Variants in GPR89A observed in about 807,000 individuals in gnomAD.
GPR89A encodes the protein G protein-coupled receptor 89A.
Under a neutral mutation model 52.0 loss-of-function variants are expected in GPR89A, and 16 were observed. The observed-to-expected ratio is 0.31, with a 90% CI of 0.21 to 0.47. The LOEUF (loss-of-function observed/expected upper bound fraction) is 0.47. Ranked by LOEUF, GPR89A falls within the 20% of genes least tolerant of loss-of-function variation. GPR89A has a pLI of 1.00. For missense variants in GPR89A, 135 were observed against 449.4 expected (o/e 0.30, Z 6.33); for synonymous variants, 55 against 150.9 (o/e 0.36, Z 4.66).
At chr1:145,639,679 A>T (rs1650496886) in intron 7 of GPR89A, among the ~76,000 whole-genome samples, 1 of 151,724 alleles carries the variant, frequency 6.6e-6, no homozygotes, top group Non-Finnish European at 1.5e-5. Context: ...TCCAGGAGGC[A>T]GAGGTTGCAG....
At chr1:145,614,300 C>G (rs1205031260) in intron 1 of GPR89A, among the ~76,000 whole-genome samples, 5 of 152,046 alleles carry the variant, frequency 3.3e-5, no homozygotes, top group African/African-American at 1.2e-4. Flanking sequence ...GGTTTGGTCT[C>G]CCTCTTTCAT....
intron 12 of GPR89A, among the ~76,000 whole-genome samples, chr1:145,668,690 A>G (rs1652740282): frequency 6.6e-6 from 1 of 152,094 alleles, no homozygotes; most frequent in African/African-American, 2.4e-5. Flanking sequence ...CCCATTCAGT[A>G]TGATATTGGC....
rs587718901 is a variant in GPR89A at position 145,658,520 on chromosome 1, G to A, written c.910-4809G>A. Among the ~76,000 whole-genome samples the A allele has an allele frequency of 4.7e-5, 7 of 150,380 alleles. No homozygotes were observed. The East Asian group carries it at 9.8e-4, about 21-fold the overall frequency. ...TACATGCTTGTGGCCCCAGCTACTC[G>A]GGAGGCTGAGGCGGGGGAGGATCGC... On this transcript the variant is annotated intron_variant, in intron 10 of 13. Coordinates refer to ENST00000313835, the MANE Select transcript of GPR89A (RefSeq NM_001097612.2).
chr1:145,660,898 C>T (rs1242915563), intron 10 of GPR89A, among the ~76,000 whole-genome samples: 10 of 151,218 alleles, frequency 6.6e-5, no homozygotes, highest in African/African-American at 1.7e-4. Context: ...GTCAGTGTGG[C>T]GATTCTTCAG....
At chr1:145,610,198 A>G (rs1321231106) in intron 1 of GPR89A, among the ~76,000 whole-genome samples, 2 of 151,830 alleles carry the variant, frequency 1.3e-5, no homozygotes, top group Non-Finnish European at 2.9e-5. Flanking sequence ...AAACACCACC[A>G]TTGCCCCCTG....
At chr1:145,668,740 C>T (rs371477466) in intron 12 of GPR89A, among the ~76,000 whole-genome samples, 2 of 152,056 alleles carry the variant, frequency 1.3e-5, no homozygotes, top group African/African-American at 2.4e-5. Flanking sequence ...TTTCGAGATA[C>T]GTCCCATCAA....
chr1:145,668,015 A>G (rs1345163084), intron 12 of GPR89A, among the ~76,000 whole-genome samples: 1 of 152,172 alleles, frequency 6.6e-6, no homozygotes, highest in Non-Finnish European at 1.5e-5. Flanking sequence ...TGATGCCTCC[A>G]GCTTTGTTCT....
intron 1 of GPR89A, 109 bp from the exon 2 acceptor site, chr1:145,616,125 T>C: frequency 1.4e-6 from 1 of 696,124 alleles, no homozygotes; most frequent in Non-Finnish European, 2.5e-6. Flanking sequence ...CTTTAATCCC[T>C]GAAATAAGTT....
intron 10 of GPR89A, among the ~76,000 whole-genome samples, chr1:145,654,654 T>C (rs2624725): frequency 1.3e-5 from 2 of 152,008 alleles, no homozygotes; most frequent in Admixed American, 6.5e-5. Flanking sequence ...GATGGACTTC[T>C]CTTTGTAGGT....
intron 11 of GPR89A, 54 bp downstream of exon 11, chr1:145,663,478 A>G: frequency 6.2e-7 from 1 of 1,606,132 alleles, no homozygotes; most frequent in South Asian, 1.1e-5. Context: ...ATCTACTATA[A>G]CTTACCATTG....
rs782448135 is a variant in GPR89A, at chr1:145,647,889, A to C, written c.909+622A>C. 6.5e-3 allele frequency among the ~76,000 whole-genome samples: 710 copies of C among 108,960 alleles called. 2 individuals carry two copies. Among genetic ancestry groups the C allele is most frequent in the Non-Finnish European group, 0.012 (593 of 50,580 alleles). 71.5% of individuals were successfully genotyped at this position (108,960 alleles called of 152,430 possible). A position where few individuals can be genotyped will look rare whatever the true frequency, so the allele number is the denominator to read the frequency against. ...TCTCTCTCTCTCTCTCTATATATAT[A>C]TATATATATATATATATATATAGAA... On this transcript the variant is annotated intron_variant, in intron 10 of 13. Transcript: ENST00000313835.
chr1:145,613,971 G>A lies in GPR89A; in HGVS notation c.43-2263G>A, dbSNP rs1293815158. Among the ~76,000 whole-genome samples the A allele has an allele frequency of 3.3e-5, 5 of 152,108 alleles. 1 individual carries two copies. The highest frequency in any genetic ancestry group is 9.7e-5 in the African/African-American group (4 of 41,416). On this transcript the variant is annotated intron_variant, in intron 1 of 13. Transcript: ENST00000313835. ...CTAGCTAATTTTTGTATTTTTTGTA[G>A]AGATGGGGTTTCACCACGTTGCCCA...
intron 7 of GPR89A, among the ~76,000 whole-genome samples, chr1:145,637,835 G>T (rs1553691099): frequency 6.6e-6 from 1 of 151,598 alleles, no homozygotes; most frequent in East Asian, 1.9e-4. Flanking sequence ...AATTTTACTA[G>T]GTGGGCTTAA....
At chr1:145,646,366 A>C in intron 9 of GPR89A, 94 bp downstream of exon 9, 1 of 902,922 alleles carries the variant, frequency 1.1e-6, no homozygotes, top group East Asian at 2.6e-5. Context: ...GTGGCCAAGC[A>C]AGAGATACCT....
At chr1:145,617,775 G>A (rs1243074449) in intron 2 of GPR89A, among the ~76,000 whole-genome samples, 8 of 152,068 alleles carry the variant, frequency 5.3e-5, no homozygotes, top group African/African-American at 9.7e-5. Context: ...CCCTAGACTC[G>A]ACATTTCCTA....
At chr1:145,664,954 G>C (rs1158218749) in intron 11 of GPR89A, among the ~76,000 whole-genome samples, 6 of 149,676 alleles carry the variant, frequency 4.0e-5, no homozygotes, top group Non-Finnish European at 5.9e-5. Flanking sequence ...GGTATCATGT[G>C]GTTCCAGTGA....
At chr1:145,631,403 T>TTA (rs1291656826) in intron 6 of GPR89A, among the ~76,000 whole-genome samples, 50 of 134,240 alleles carry the variant, frequency 3.7e-4, no homozygotes, top group South Asian at 9.3e-4. Context: ...AATATATATT[T>TTA]TATATATATA....
chr1:145,627,729 T>A (rs1221250999), intron 5 of GPR89A, among the ~76,000 whole-genome samples: 1 of 150,310 alleles, frequency 6.7e-6, no homozygotes, highest in East Asian at 2.0e-4. Flanking sequence ...CATCAAGGAG[T>A]GAACAGGTTG....
intron 11 of GPR89A, among the ~76,000 whole-genome samples, chr1:145,663,890 T>G (rs1355373672): frequency 4.6e-5 from 7 of 151,556 alleles, no homozygotes; most frequent in African/African-American, 7.3e-5. Context: ...AGAAATGATC[T>G]TTATCTATTA....
Sources: gnomAD v4.1 joint callset for allele counts (sites outside exome capture counted in the v4.1 genomes callset) on GRCh38, gnomAD v4.1.1 for gene constraint, MANE v1.5 for transcripts, NCBI Gene and HGNC (gene_info 2026-07-23, HGNC 2026-07-21) for gene names.